PCSK5: variants seen among roughly 807,000 people sequenced by gnomAD.
PCSK5 encodes prohormone convertase 5.
PCSK5 carries 129 observed loss-of-function variants against 233.2 expected under a neutral mutation model. That is an observed-to-expected ratio of 0.55 (90% CI 0.48 to 0.64). The LOEUF (loss-of-function observed/expected upper bound fraction) is 0.64, where lower values mean the gene tolerates loss of function less well. Among genes scored for constraint, PCSK5 ranks in the 30% least tolerant of loss-of-function variants. PCSK5 has a pLI of 0.00. For synonymous variants in PCSK5, 825 were observed against 879.2 expected, an observed-to-expected ratio of 0.94 and a Z score of 1.09; for missense variants, 2,076 against 2,430.1, an observed-to-expected ratio of 0.85 and a Z score of 3.06.
intron 1 of PCSK5, among the ~76,000 whole-genome samples, chr9:75,912,454 A>C (rs1281849756): frequency 6.6e-6 from 1 of 152,170 alleles, no homozygotes; most frequent in Non-Finnish European, 1.5e-5. Flanking sequence ...TTTCATGTGC[A>C]CCTGGGGATC....
At position 76,071,858 on chromosome 9, in the gene PCSK5, C is replaced by T; in HGVS notation, c.854C>T (p.Ala285Val). 1 of 1,614,066 alleles carries T rather than the reference C, an allele frequency of 6.2e-7. No individual in the cohort carries two copies. Among genetic ancestry groups the T allele is most frequent in the Non-Finnish European group, 8.5e-7 (1 of 1,179,986 alleles). ...GATGGCAAGACTGTGGACGGACCAG[C>T]CCCCCTCACCCGGCAAGCCTTTGAA... ...DDDGKTVDGP[A>V]PLTRQAFENG... The change falls in exon 7 of 38, where the codon GCC becomes GTC. Residue 285 changes from alanine (A) to valine (V), a missense_variant. Ala to Val is a moderately conservative substitution (Grantham distance 64, BLOSUM62 0). This residue lies in a region of PCSK5 where 178 missense variants were observed against 393.6 expected (regional missense o/e 0.45). Transcript: ENST00000674117.
chr9:76,352,485 A>G (rs1028808759), intron 36 of PCSK5, among the ~76,000 whole-genome samples: 2 of 152,110 alleles, frequency 1.3e-5, no homozygotes, highest in African/African-American at 4.8e-5. Flanking sequence ...CCCCTATTCA[A>G]GATGAAGTTG....
Position 76,302,116 on chromosome 9 carries a change from CT to C in PCSK5, c.3524-11del, listed in dbSNP as rs762402899. The C allele has an allele frequency of 9.7e-3, 9,216 of 945,992 alleles. No individual in the cohort carries two copies. Among genetic ancestry groups the C allele is most frequent in the Non-Finnish European group, 0.011 (7,532 of 708,752 alleles). The allele number at this position is 945,992 out of a possible 1,614,324, so 58.6% of individuals were successfully genotyped here. A position where few individuals can be genotyped will look rare whatever the true frequency, so the allele number is the denominator to read the frequency against. Reference sequence around the variant, plus strand: ...TTTTGCATTAAAAAAAAACTAAACACTTTTTTTTTTAATAAAAAAGAAGCTG... The same window carrying C: ...TTTTGCATTAAAAAAAAACTAAACACTTTTTTTTTAATAAAAAAGAAGCTG... On this transcript the variant is annotated intron_variant, in intron 27 of 37. Coordinates refer to ENST00000674117, the MANE Select transcript of PCSK5 (RefSeq NM_001372043.1).
chr9:76,005,159 T>C lies in PCSK5; in HGVS notation c.412-18579T>C, dbSNP rs115143672. Among the ~76,000 whole-genome samples the C allele has an allele frequency of 5.7e-3, 869 of 152,330 alleles. 9 individuals carry two copies. The highest frequency in any genetic ancestry group is 0.019 in the African/African-American group (799 of 41,578). ...AATACTGTTGGAATTACCAAACCAC[T>C]GCTACTACCAACCACAAACTTATGT... is the stretch of plus-strand genomic sequence containing the variant. On this transcript the variant is annotated intron_variant, in intron 3 of 37. Coordinates refer to ENST00000674117, the MANE Select transcript of PCSK5 (RefSeq NM_001372043.1).
chr9:76,174,793 G>T (rs1252297328), intron 13 of PCSK5, among the ~76,000 whole-genome samples, 193 bp from the exon 14 acceptor site: 2 of 152,160 alleles, frequency 1.3e-5, no homozygotes, highest in African/African-American at 4.8e-5. Context: ...TCAATATGTG[G>T]TATGTGAATT....
chr9:75,933,810 T>C (rs1823922347), intron 2 of PCSK5, among the ~76,000 whole-genome samples: 2 of 152,196 alleles, frequency 1.3e-5, no homozygotes, highest in Non-Finnish European at 2.9e-5. Flanking sequence ...ATTCATGAAT[T>C]AGCTGCATTT....
chr9:76,027,404 A>C (rs560482036), intron 5 of PCSK5, among the ~76,000 whole-genome samples: 2 of 152,044 alleles, frequency 1.3e-5, no homozygotes, highest in East Asian at 3.9e-4. Flanking sequence ...TAAATTCAAC[A>C]CATGATTGAA....
At chr9:75,905,290 C>A (rs1290363145) in intron 1 of PCSK5, among the ~76,000 whole-genome samples, 1 of 152,100 alleles carries the variant, frequency 6.6e-6, no homozygotes, top group East Asian at 1.9e-4. Flanking sequence ...GGGAGAATCA[C>A]TTGAGGCTAG....
chr9:76,093,167 G>A (rs73456420), intron 7 of PCSK5, among the ~76,000 whole-genome samples: 6,348 of 144,304 alleles, frequency 0.044, 390 homozygotes, highest in African/African-American at 0.14. Context: ...CAGTCGTAGC[G>A]CGCTGCAGCC....
At chr9:76,313,054 G>A (rs1473614010) in intron 30 of PCSK5, among the ~76,000 whole-genome samples, 1 of 152,164 alleles carries the variant, frequency 6.6e-6, no homozygotes, top group African/African-American at 2.4e-5. Context: ...GGCTGTAAAT[G>A]TATGATCCCA....
Position 76,205,944 on chromosome 9 carries a change from T to C in PCSK5, c.2626+16198T>C, listed in dbSNP as rs558801673. On this transcript the variant is annotated intron_variant, in intron 20 of 37. Coordinates refer to ENST00000674117, the MANE Select transcript of PCSK5 (RefSeq NM_001372043.1). ...GTGCACATTGGCCACTTTCTACTAC[T>C]GGTGCTAAGCAATAACCCAGAGTAG... Among the ~76,000 whole-genome samples the C allele has an allele frequency of 2.9e-4, 44 of 152,276 alleles. 1 individual carries two copies. The highest frequency in any genetic ancestry group is 2.7e-3 in the Admixed American group (42 of 15,298).
chr9:76,013,568 A>G (rs1235155624), intron 3 of PCSK5, among the ~76,000 whole-genome samples: 1 of 152,306 alleles, frequency 6.6e-6, no homozygotes, highest in East Asian at 1.9e-4. Context: ...TTGGAGAGTA[A>G]ATTATGTATT....
chr9:76,255,232 A>C (rs1053650777), intron 24 of PCSK5, among the ~76,000 whole-genome samples: 1 of 152,080 alleles, frequency 6.6e-6, no homozygotes, highest in African/African-American at 2.4e-5. Flanking sequence ...GGTTTCAGTG[A>C]GCTGTGATCA....
chr9:76,222,811 A>C (rs1825770853), intron 20 of PCSK5, among the ~76,000 whole-genome samples: 1 of 152,216 alleles, frequency 6.6e-6, no homozygotes, highest in African/African-American at 2.4e-5. Flanking sequence ...TCATTAGTAC[A>C]TAAGTAGCTG....
chr9:76,045,744 C>G (rs1433738836), intron 5 of PCSK5, among the ~76,000 whole-genome samples: 1 of 152,128 alleles, frequency 6.6e-6, no homozygotes, highest in Non-Finnish European at 1.5e-5. Context: ...TTATGGTCTT[C>G]CTGGTTCTCT....
intron 21 of PCSK5, among the ~76,000 whole-genome samples, chr9:76,229,678 A>C (rs1232292366): frequency 6.6e-6 from 1 of 152,250 alleles, no homozygotes; most frequent in African/African-American, 2.4e-5. Context: ...TAATGGCTTT[A>C]ATTAGGCCAA....
rs148273022 is a variant in PCSK5, at chr9:76,196,375, G to A, written c.2626+6629G>A. ...ATCTTGCGTAAAGTCGGCATTGGCTGGATGTCTAGAAGATGATTTTTGTCT... is the reference window on the plus strand; with the variant it reads ...ATCTTGCGTAAAGTCGGCATTGGCTAGATGTCTAGAAGATGATTTTTGTCT... On this transcript the variant is annotated intron_variant, in intron 20 of 37. Transcript: ENST00000674117. 1.6e-3 allele frequency among the ~76,000 whole-genome samples: 247 copies of A among 152,318 alleles called. 2 individuals are homozygous for A. Among genetic ancestry groups the A allele is most frequent in the African/African-American group, 5.6e-3 (231 of 41,584 alleles).
intron 3 of PCSK5, among the ~76,000 whole-genome samples, chr9:76,008,625 C>A (rs1487456628): frequency 6.6e-6 from 1 of 152,092 alleles, no homozygotes; most frequent in African/African-American, 2.4e-5. Context: ...CCACACCCAG[C>A]TAATTTTTGT....
rs193084216 is a variant in PCSK5, at chr9:76,075,214, C to T, written c.894+3316C>T. Reference sequence around the variant, plus strand: ...CAGCCTGGGCAACAGAGTAAGACTCCGTCTCAATAAAATAATAATAATAAT... The same window carrying T: ...CAGCCTGGGCAACAGAGTAAGACTCTGTCTCAATAAAATAATAATAATAAT... On this transcript the variant is annotated intron_variant, in intron 7 of 37. Transcript: ENST00000674117. Among the ~76,000 whole-genome samples the T allele has an allele frequency of 4.7e-3, 697 of 147,784 alleles. 6 individuals are homozygous for T. Among genetic ancestry groups the T allele is most frequent in the South Asian group, 0.026 (123 of 4,784 alleles).
Sources: allele counts gnomAD v4.1 joint callset (sites outside exome capture counted in the v4.1 genomes callset), GRCh38; gene constraint gnomAD v4.1.1; regional missense constraint gnomAD v4.1.1; transcripts MANE v1.5; gene names NCBI Gene and HGNC (gene_info 2026-07-23, HGNC 2026-07-21).